Variants in ERG observed in about 807,000 individuals in gnomAD.
ERG encodes ETS transcription factor ERG.
ERG carries 9 observed loss-of-function variants against 55.3 expected under a neutral mutation model. That is an observed-to-expected ratio of 0.16 (90% confidence interval 0.10 to 0.28). The LOEUF (loss-of-function observed/expected upper bound fraction) is 0.28, where lower values mean the gene tolerates loss of function less well. Ranked by LOEUF, ERG falls within the 10% of genes least tolerant of loss-of-function variation. ERG has a pLI of 1.00. For synonymous variants in ERG, 223 were observed against 237.3 expected, an observed-to-expected ratio of 0.94 and a Z score of 0.55; for missense variants, 434 against 631.6, an observed-to-expected ratio of 0.69 and a Z score of 3.35.
chr21:38,469,277 G>T (rs1239893388), intron 1 of ERG, among the ~76,000 whole-genome samples: 1 of 152,110 alleles, frequency 6.6e-6, no homozygotes, highest in African/African-American at 2.4e-5. Flanking sequence ...AGCAAACACT[G>T]AGTGACTGAC....
At chr21:38,526,219 G>T (rs2059629608) in intron 2 of ERG, among the ~76,000 whole-genome samples, 2 of 152,208 alleles carry the variant, frequency 1.3e-5, no homozygotes, top group Non-Finnish European at 2.9e-5. Flanking sequence ...TAATCCATGA[G>T]TGGACTAAAT....
At chr21:38,402,846 G>T (rs955102516) in intron 4 of ERG, among the ~76,000 whole-genome samples, 2 of 152,080 alleles carry the variant, frequency 1.3e-5, no homozygotes, top group Non-Finnish European at 2.9e-5. Flanking sequence ...CTACATGGGG[G>T]CCCGTCTTTA....
intron 2 of ERG, among the ~76,000 whole-genome samples, chr21:38,520,424 A>T (rs187542362): frequency 1.3e-5 from 2 of 152,336 alleles, no homozygotes; most frequent in East Asian, 3.9e-4. Flanking sequence ...GCATCCGAGG[A>T]ACAGACACAA....
At chr21:38,547,173 G>A (rs2059792957) in intron 2 of ERG, among the ~76,000 whole-genome samples, 1 of 152,210 alleles carries the variant, frequency 6.6e-6, no homozygotes, top group Admixed American at 6.5e-5. Context: ...ACCCTAAAGT[G>A]CTACATGAAA....
intron 1 of ERG, among the ~76,000 whole-genome samples, chr21:38,647,852 CACAAGAA>C (rs2060466269): frequency 6.6e-6 from 1 of 152,002 alleles, no homozygotes; most frequent in Non-Finnish European, 1.5e-5. Context: ...GGTATTAAAG[CACAAGAA>C]ATAAAACCAC....
rs569305090 is a variant in ERG at position 38,381,207 on chromosome 21, A to T, written c.*2196T>A. The T allele has an allele frequency of 1.9e-6, 2 of 1,065,218 alleles. No individual in the cohort carries two copies. Among genetic ancestry groups the T allele is most frequent in the South Asian group, 9.1e-5 (2 of 21,978 alleles). 66.0% of individuals were successfully genotyped at this position (1,065,218 alleles called of 1,614,324 possible). ...ACATAATCATAGCAAAAGGACTGCAACGTGAAAAAAACAGGCCCTGAAACA... is the reference window on the plus strand; with the variant it reads ...ACATAATCATAGCAAAAGGACTGCATCGTGAAAAAAACAGGCCCTGAAACA... On this transcript the variant is annotated 3_prime_UTR_variant, in exon 10 of 10. Coordinates refer to ENST00000288319, the MANE Select transcript of ERG (RefSeq NM_182918.4).
chr21:38,648,583 T>C (rs146191008), intron 1 of ERG, among the ~76,000 whole-genome samples: 191 of 152,310 alleles, frequency 1.3e-3, no homozygotes, highest in Non-Finnish European at 2.2e-3. Flanking sequence ...CTTATAAAGA[T>C]TGCACCGTGC....
chr21:38,472,237 C>T (rs910194184), intron 1 of ERG, among the ~76,000 whole-genome samples: 3 of 152,084 alleles, frequency 2.0e-5, no homozygotes, highest in Admixed American at 6.6e-5. Context: ...AGGCATGAAA[C>T]GGTGCACTAT....
chr21:38,400,531 G>T, intron 6 of ERG, 43 bp downstream of exon 6: 1 of 1,456,010 alleles, frequency 6.9e-7, no homozygotes, highest in South Asian at 1.1e-5. Flanking sequence ...AGGACATCTG[G>T]GATGTCTCTC....
chr21:38,417,972 T>C (rs1304040827), intron 3 of ERG, among the ~76,000 whole-genome samples: 1 of 152,146 alleles, frequency 6.6e-6, no homozygotes, highest in Non-Finnish European at 1.5e-5. Context: ...ATCTCCATGT[T>C]CACAGCCAAC....
At chr21:38,556,019 T>C (rs559120608) in intron 2 of ERG, among the ~76,000 whole-genome samples, 46 of 152,250 alleles carry the variant, frequency 3.0e-4, no homozygotes, top group African/African-American at 1.1e-3. Flanking sequence ...CATAGCCCTG[T>C]ATATAACAGC....
At chr21:38,593,831 AT>A (rs2060115657) in intron 1 of ERG, among the ~76,000 whole-genome samples, 1 of 152,348 alleles carries the variant, frequency 6.6e-6, no homozygotes, top group East Asian at 1.9e-4. Context: ...ACAAGTTATC[AT>A]TTTTTAGATA....
intron 7 of ERG, 155 bp downstream of exon 7, chr21:38,392,221 G>T: frequency 2.7e-6 from 2 of 727,438 alleles, no homozygotes; most frequent in Non-Finnish European, 4.9e-6. Context: ...AAGAATCACT[G>T]CAGTGAAAGA....
chr21:38,424,939 C>T (rs1040176574), intron 2 of ERG, among the ~76,000 whole-genome samples: 1 of 152,178 alleles, frequency 6.6e-6, no homozygotes, highest in Non-Finnish European at 1.5e-5. Context: ...CAACAGGTCA[C>T]AGGGCTGCTG....
At chr21:38,472,469 G>A (rs1489549001) in intron 1 of ERG, among the ~76,000 whole-genome samples, 1 of 152,182 alleles carries the variant, frequency 6.6e-6, no homozygotes, top group Non-Finnish European at 1.5e-5. Flanking sequence ...GATAAAGACA[G>A]AGGTTGTGTC....
Position 38,549,514 on chromosome 21 carries a change from T to C in ERG, c.-41+26148A>G, listed in dbSNP as rs75046725. Among the ~76,000 whole-genome samples the C allele has an allele frequency of 4.8e-4, 73 of 152,338 alleles. 1 individual carries two copies. In the East Asian group the frequency reaches 6.6e-3, roughly 14 times the overall value. ...GCAATTTGGCAAAGTAAAACACACA[T>C]ATACAGTAATGCACAATGTCCTGAT... On this transcript the variant is annotated intron_variant, in intron 2 of 8. Transcript: ENST00000398897.
At chr21:38,578,141 A>G (rs540286270) in intron 1 of ERG, among the ~76,000 whole-genome samples, 28 of 152,336 alleles carry the variant, frequency 1.8e-4, no homozygotes, top group Non-Finnish European at 3.4e-4. Context: ...ACTGACTCTC[A>G]GATGACCACG....
chr21:38,565,171 G>A (rs1415811603), intron 2 of ERG, among the ~76,000 whole-genome samples: 1 of 152,118 alleles, frequency 6.6e-6, no homozygotes, highest in East Asian at 1.9e-4. Context: ...CACCTTCAAA[G>A]TAGATCCCCA....
At chr21:38,622,099 G>C (rs1030643553) in intron 1 of ERG, among the ~76,000 whole-genome samples, 2 of 152,222 alleles carry the variant, frequency 1.3e-5, no homozygotes, top group African/African-American at 4.8e-5. Flanking sequence ...AGGTGACCAC[G>C]TGCTGTCAGA....
Sources: allele counts gnomAD v4.1 joint callset (sites outside exome capture counted in the v4.1 genomes callset), GRCh38; gene constraint gnomAD v4.1.1; transcripts MANE v1.5; gene names NCBI Gene and HGNC (gene_info 2026-07-23, HGNC 2026-07-21).